PACRGL: variants seen among roughly 807,000 people sequenced by gnomAD.
PACRGL encodes PACRG-like protein.
PACRGL carries 38 observed loss-of-function variants against 34.5 expected under a neutral mutation model. The ratio of observed to expected loss-of-function variants is 1.10; its 90% CI spans 0.85 to 1.44. The LOEUF (loss-of-function observed/expected upper bound fraction) is 1.44. Among genes scored for constraint, PACRGL ranks in the 40% most tolerant of loss-of-function variants. The probability of loss-of-function intolerance (pLI) is 0.00; values close to 1 mark genes in which losing one functional copy is unlikely to be tolerated. For synonymous variants in PACRGL, 128 were observed against 100.1 expected (o/e 1.28, Z -1.66); for missense variants, 305 against 281.4 (o/e 1.08, Z -0.60).
At chr4:20,722,127 G>A (rs1211726556) in intron 7 of PACRGL, among the ~76,000 whole-genome samples, 1 of 152,236 alleles carries the variant, frequency 6.6e-6, no homozygotes, top group Non-Finnish European at 1.5e-5. Context: ...TCTGAGCCAG[G>A]CACAGGATAT....
rs1747376134 is a variant in PACRGL at position 20,729,612 on chromosome 4, ATGGAAT to A, written c.*2273_*2278del. On this transcript the variant is annotated 3_prime_UTR_variant, in exon 9 of 9. Transcript: ENST00000503585. ...AATCTTGTTTCCTTAAAGTATATAA[ATGGAAT>A]TTAAATGGAATTACAGCATTCAAAC... is the stretch of plus-strand genomic sequence containing the variant. 1 of 69,570 alleles carries A rather than the reference ATGGAAT, an allele frequency of 1.4e-5. No individual in the cohort carries two copies. The highest frequency in any genetic ancestry group is 3.1e-5 in the Non-Finnish European group (1 of 32,624). The allele number at this position is 69,570 out of a possible 1,614,324, so 4.3% of individuals were successfully genotyped here. A position where few individuals can be genotyped will look rare whatever the true frequency, so the allele number is the denominator to read the frequency against.
chr4:20,756,775 C>T (rs549716869), downstream of PACRGL, among the ~76,000 whole-genome samples: 13 of 152,176 alleles, frequency 8.5e-5, no homozygotes, highest in Admixed American at 2.6e-4. Flanking sequence ...CATTTCATTT[C>T]TGAACTATCT....
downstream of PACRGL, among the ~76,000 whole-genome samples, chr4:20,757,037 A>C (rs1476880754): frequency 1.3e-5 from 2 of 152,038 alleles, no homozygotes; most frequent in African/African-American, 4.8e-5. Context: ...CTTCTTGTTG[A>C]GTCTAAATCC....
chr4:20,739,970 G>C (rs1320063716), intron 8 of PACRGL, among the ~76,000 whole-genome samples: 3 of 152,148 alleles, frequency 2.0e-5, no homozygotes, highest in Non-Finnish European at 4.4e-5. Context: ...TAGCCATTTT[G>C]ATCAAGTGGA....
At position 20,712,940 on chromosome 4, in the gene PACRGL, T is replaced by C; in HGVS notation, c.501+18T>C. On this transcript the variant is annotated intron_variant, in intron 6 of 8. Transcript: ENST00000503585. The stretch of plus-strand genomic sequence containing the variant: ...CAGCTCTGGTATGTCATTTATTTCA[T>C]TGTACTTTATATTTGAAAACATGAT... The C allele has an allele frequency of 6.7e-7, 1 of 1,501,156 alleles. No homozygotes were observed. Among genetic ancestry groups the C allele is most frequent in the Non-Finnish European group, 8.9e-7 (1 of 1,118,840 alleles). The allele number at this position is 1,501,156 out of a possible 1,614,324, so 93.0% of individuals were successfully genotyped here.
chr4:20,747,092 A>G (rs1365214117), intron 8 of PACRGL, among the ~76,000 whole-genome samples: 4 of 152,206 alleles, frequency 2.6e-5, no homozygotes, highest in African/African-American at 9.6e-5. Context: ...ATATATAATC[A>G]TTACAACTAA....
chr4:20,736,569 T>G (rs1306867292), downstream of PACRGL, among the ~76,000 whole-genome samples: 1 of 152,190 alleles, frequency 6.6e-6, no homozygotes, highest in Non-Finnish European at 1.5e-5. Flanking sequence ...TTTCTAATTT[T>G]TATATGTTTA....
At chr4:20,745,560 A>T (rs545298782) in intron 8 of PACRGL, among the ~76,000 whole-genome samples, 3 of 152,316 alleles carry the variant, frequency 2.0e-5, no homozygotes, top group Admixed American at 2.0e-4. Flanking sequence ...TTGCACAATT[A>T]CTTTACTTGT....
At chr4:20,761,534 G>A in the PACRGL span, among the ~76,000 whole-genome samples, 1 of 152,168 alleles carries the variant, frequency 6.6e-6, no homozygotes, top group Non-Finnish European at 1.5e-5. Flanking sequence ...AGTTGCTTGG[G>A]ATAGTAAGGA....
intron 7 of PACRGL, chr4:20,716,156 T>C (rs1739859852): frequency 2.9e-6 from 4 of 1,401,974 alleles, no homozygotes; most frequent in Non-Finnish European, 3.9e-6. Flanking sequence ...GGTTTGATGA[T>C]TTGCCAGAAG....
rs925849212 is a variant in PACRGL, at chr4:20,706,834, A to G, written c.208-969A>G. 2.0e-5 allele frequency among the ~76,000 whole-genome samples: 3 copies of G among 152,278 alleles called. No individual in the cohort carries two copies. The South Asian group carries it at 6.2e-4, about 32-fold the overall frequency. On this transcript the variant is annotated intron_variant, in intron 3 of 8. Transcript: ENST00000503585. ...TGTGATCCACCCGCCTCAGCCTCCCAAAGTGCTGGGATTACAGGCTTGAGC... is the reference window on the plus strand; with the variant it reads ...TGTGATCCACCCGCCTCAGCCTCCCGAAGTGCTGGGATTACAGGCTTGAGC...
chr4:20,746,140 A>G (rs1018411078), intron 8 of PACRGL, among the ~76,000 whole-genome samples: 10 of 152,208 alleles, frequency 6.6e-5, no homozygotes, highest in East Asian at 1.9e-4. Context: ...ATGTCCATCA[A>G]TAATACACTG....
intron 4 of PACRGL, among the ~76,000 whole-genome samples, chr4:20,709,079 C>T (rs531236350): frequency 7.2e-5 from 11 of 152,170 alleles, no homozygotes; most frequent in East Asian, 3.9e-4. Context: ...GCGGAGGTTG[C>T]GGTGAGCCAA....
chr4:20,748,882 A>ATGTGTGTG (rs139805656), intron 8 of PACRGL, among the ~76,000 whole-genome samples: 1 of 144,434 alleles, frequency 6.9e-6, no homozygotes, highest in Non-Finnish European at 1.5e-5. Flanking sequence ...GTGTGTGTGT[A>ATGTGTGTG]TGTGTGTGTG....
intron 7 of PACRGL, among the ~76,000 whole-genome samples, chr4:20,722,277 T>C (rs1304780490): frequency 6.6e-6 from 1 of 152,238 alleles, no homozygotes; most frequent in South Asian, 2.1e-4. Context: ...GCTTCCCGGG[T>C]GAGGCGATGC....
chr4:20,761,369 A>G, the PACRGL span, among the ~76,000 whole-genome samples: 10 of 152,200 alleles, frequency 6.6e-5, no homozygotes, highest in African/African-American at 1.9e-4. Context: ...ACCAATAGCT[A>G]CAACTCCAAA....
At chr4:20,725,352 T>TACACACACACAC (rs10584716) in intron 8 of PACRGL, among the ~76,000 whole-genome samples, 3 of 150,286 alleles carry the variant, frequency 2.0e-5, no homozygotes, top group Non-Finnish European at 3.0e-5. Context: ...CCCATAGGTG[T>TACACACACACAC]ACACACACAC....
rs528969889 is a variant in PACRGL at position 20,749,512 on chromosome 4, A to G, written c.*57-3053A>G. On this transcript the variant is annotated intron_variant, in intron 8 of 8. Transcript: ENST00000507634. The stretch of plus-strand genomic sequence containing the variant: ...GCTTGCAATTTGTACATCTTTTGAA[A>G]GATAATTTTTGGCAATTACATGAGA... 19 of 525,258 alleles carry G rather than the reference A, an allele frequency of 3.6e-5. No homozygotes were observed. The South Asian group carries it at 4.6e-4, about 13-fold the overall frequency. The allele number at this position is 525,258 out of a possible 1,614,324, so 32.5% of individuals were successfully genotyped here. A position where few individuals can be genotyped will look rare whatever the true frequency, so the allele number is the denominator to read the frequency against.
rs1305532424 is a variant in PACRGL at position 20,729,555 on chromosome 4, AAACTGG to A, written c.*2219_*2224del. On this transcript the variant is annotated 3_prime_UTR_variant, in exon 9 of 9. Transcript: ENST00000503585. ...CTAACAGAAGGTGGGAAGGCCATAGAAACTGGAACTATGTGTTTTTTTAATTGTTGT... is the reference window on the plus strand; with the variant it reads ...CTAACAGAAGGTGGGAAGGCCATAGAAACTATGTGTTTTTTTAATTGTTGT... 6 of 151,444 alleles carry A rather than the reference AAACTGG, an allele frequency of 4.0e-5. No individual in the cohort carries two copies. The highest frequency in any genetic ancestry group is 1.5e-4 in the African/African-American group (6 of 41,368). The allele number at this position is 151,444 out of a possible 1,614,324, so 9.4% of individuals were successfully genotyped here.
Sources: allele counts gnomAD v4.1 joint callset (sites outside exome capture counted in the v4.1 genomes callset), GRCh38; gene constraint gnomAD v4.1.1; transcripts MANE v1.5; gene names NCBI Gene and HGNC (gene_info 2026-07-23, HGNC 2026-07-21).